Variants in PLCL1 observed in about 807,000 individuals in gnomAD.
PLCL1 encodes phospholipase C like 1 (inactive).
A neutral mutation model predicts 84.4 loss-of-function variants in PLCL1; 41 were observed. That is an observed-to-expected ratio of 0.49 (90% CI 0.38 to 0.63). The LOEUF (loss-of-function observed/expected upper bound fraction) is 0.63, where lower values mean the gene tolerates loss of function less well. PLCL1 is among the 30% of genes least tolerant of loss of function. PLCL1 has a pLI of 0.00. For synonymous variants in PLCL1, 490 were observed against 488.3 expected, an observed-to-expected ratio of 1.00 and a Z score of -0.05; for missense variants, 1,206 against 1,367.8, an observed-to-expected ratio of 0.88 and a Z score of 1.87.
intron 1 of PLCL1, among the ~76,000 whole-genome samples, chr2:197,924,923 A>G (rs369801951): frequency 3.9e-5 from 6 of 152,316 alleles, no homozygotes; most frequent in African/African-American, 1.4e-4. Flanking sequence ...AAGGAATGCA[A>G]ATTTCTAGCT....
At chr2:197,912,132 A>G (rs1188171796) in intron 1 of PLCL1, among the ~76,000 whole-genome samples, 1 of 152,180 alleles carries the variant, frequency 6.6e-6, no homozygotes, top group African/African-American at 2.4e-5. Context: ...GCTGTCTGGA[A>G]TCCATCAACT....
At chr2:197,939,866 A>G (rs1373059422) in intron 1 of PLCL1, among the ~76,000 whole-genome samples, 2 of 152,020 alleles carry the variant, frequency 1.3e-5, no homozygotes, top group African/African-American at 4.8e-5. Flanking sequence ...CCTAGGTGGG[A>G]TTCTCAAACC....
At chr2:197,999,630 A>T (rs1231433607) in intron 1 of PLCL1, among the ~76,000 whole-genome samples, 1 of 152,174 alleles carries the variant, frequency 6.6e-6, no homozygotes, top group Non-Finnish European at 1.5e-5. Context: ...TATAGATTAG[A>T]TGTATAGGGC....
chr2:197,953,070 A>G (rs1476089486), intron 1 of PLCL1, among the ~76,000 whole-genome samples: 3 of 152,068 alleles, frequency 2.0e-5, no homozygotes, highest in African/African-American at 4.8e-5. Flanking sequence ...TCCACACTGT[A>G]TCTCATTGAA....
At chr2:197,858,289 G>A (rs1687366111) in intron 1 of PLCL1, among the ~76,000 whole-genome samples, 1 of 152,094 alleles carries the variant, frequency 6.6e-6, no homozygotes. Flanking sequence ...CTGAGTTGTA[G>A]CTCCTCTTGT....
At chr2:198,009,023 G>A (rs1220253472) in intron 1 of PLCL1, among the ~76,000 whole-genome samples, 2 of 151,858 alleles carry the variant, frequency 1.3e-5, no homozygotes, top group African/African-American at 2.4e-5. Flanking sequence ...GTCAGTTTAA[G>A]TTCTTTGCCT....
rs527984781 is a variant in PLCL1 at position 197,853,581 on chromosome 2, C to T, written c.240+48242C>T. On this transcript the variant is annotated intron_variant, in intron 1 of 5. Coordinates refer to ENST00000428675, the MANE Select transcript of PLCL1 (RefSeq NM_006226.4). ...TAGTTAAAGTGCCAGCATTTCTTGC[C>T]TCTAGAGCCAGTAGCAACAAAACGT... is the stretch of plus-strand genomic sequence containing the variant. 2.6e-5 allele frequency among the ~76,000 whole-genome samples: 4 copies of T among 152,260 alleles called. No homozygotes were observed. In the East Asian group the frequency reaches 5.8e-4, roughly 22 times the overall value.
intron 1 of PLCL1, among the ~76,000 whole-genome samples, chr2:197,961,264 A>AGAGAGAGAGAGAGC (rs1353312792): frequency 7.2e-6 from 1 of 139,632 alleles, no homozygotes; most frequent in Non-Finnish European, 1.6e-5. Context: ...AGAGAGAGAG[A>AGAGAGAGAGAGAGC]GAGCGAGCAT....
At chr2:197,940,845 C>T (rs570320749) in intron 1 of PLCL1, among the ~76,000 whole-genome samples, 15 of 152,038 alleles carry the variant, frequency 9.9e-5, no homozygotes, top group East Asian at 7.7e-4. Context: ...ATTTCTATTT[C>T]GGCTGAATTT....
At position 197,990,101 on chromosome 2, in the gene PLCL1, C is replaced by T. The variant is rs80067330; in HGVS notation, c.241-93657C>T. On this transcript the variant is annotated intron_variant, in intron 1 of 5. Transcript: ENST00000428675. ...TTATAGAGTCTCTCATGTTACAGGG[C>T]GCTGCTCAATTACCTTATTTTGAGC... Among the ~76,000 whole-genome samples, 405 of 152,190 alleles carry T rather than the reference C, an allele frequency of 2.7e-3. 1 individual carries two copies. Among genetic ancestry groups the T allele is most frequent in the Non-Finnish European group, 4.0e-3 (274 of 68,000 alleles).
At chr2:197,946,685 G>A (rs958181625) in intron 1 of PLCL1, among the ~76,000 whole-genome samples, 27 of 152,114 alleles carry the variant, frequency 1.8e-4, no homozygotes, top group Non-Finnish European at 2.8e-4. Context: ...AAGATACTCT[G>A]TTGAGTAGAA....
chr2:197,994,285 C>T (rs1232857357), intron 1 of PLCL1, among the ~76,000 whole-genome samples: 1 of 152,192 alleles, frequency 6.6e-6, no homozygotes, highest in Non-Finnish European at 1.5e-5. Flanking sequence ...AATCTTTACG[C>T]AGTCCTTTCA....
At chr2:197,935,280 A>G (rs984356965) in intron 1 of PLCL1, among the ~76,000 whole-genome samples, 1 of 152,206 alleles carries the variant, frequency 6.6e-6, no homozygotes, top group African/African-American at 2.4e-5. Context: ...ACCCAAAGGA[A>G]TATAATTAAT....
chr2:197,976,578 A>T (rs2105801283), intron 1 of PLCL1, among the ~76,000 whole-genome samples: 1 of 152,150 alleles, frequency 6.6e-6, no homozygotes, highest in East Asian at 1.9e-4. Flanking sequence ...CCTCCTGAGT[A>T]GCTGGGATTA....
chr2:198,058,652 TTGC>T (rs1424049192), intron 1 of PLCL1, among the ~76,000 whole-genome samples: 3 of 151,962 alleles, frequency 2.0e-5, no homozygotes, highest in Admixed American at 1.3e-4. Flanking sequence ...TATAAGCAAG[TTGC>T]TCTATCTACC....
intron 1 of PLCL1, among the ~76,000 whole-genome samples, chr2:198,044,263 G>A (rs1170832871): frequency 6.6e-6 from 1 of 152,086 alleles, no homozygotes; most frequent in Non-Finnish European, 1.5e-5. Context: ...ACTCAACCTT[G>A]GGTTTCTACA....
intron 1 of PLCL1, among the ~76,000 whole-genome samples, chr2:197,935,100 A>G (rs1689023911): frequency 6.6e-6 from 1 of 152,092 alleles, no homozygotes; most frequent in Non-Finnish European, 1.5e-5. Context: ...CTTACACCAG[A>G]CAGAATGGCT....
intron 1 of PLCL1, among the ~76,000 whole-genome samples, chr2:198,036,645 A>G (rs1691556177): frequency 6.6e-6 from 1 of 152,152 alleles, no homozygotes; most frequent in African/African-American, 2.4e-5. Flanking sequence ...TTGGTCATTC[A>G]TAGCCCTTAG....
chr2:198,015,661 GAGAC>G (rs1182872636), intron 1 of PLCL1, among the ~76,000 whole-genome samples: 3 of 152,148 alleles, frequency 2.0e-5, no homozygotes, highest in South Asian at 2.1e-4. Flanking sequence ...TCTAATGAGA[GAGAC>G]AGACAGCTCC....
Sources: allele counts gnomAD v4.1 joint callset (sites outside exome capture counted in the v4.1 genomes callset), GRCh38; gene constraint gnomAD v4.1.1; transcripts MANE v1.5; gene names NCBI Gene and HGNC (gene_info 2026-07-23, HGNC 2026-07-21).